EBF2: variants seen among roughly 807,000 people sequenced by gnomAD.
EBF2 encodes the protein EBF transcription factor 2.
A neutral mutation model predicts 72.8 loss-of-function variants in EBF2; 21 were observed. The ratio of observed to expected loss-of-function variants is 0.29; its 90% CI spans 0.20 to 0.42. EBF2 has a LOEUF of 0.42. Ranked by LOEUF, EBF2 falls within the 10% of genes least tolerant of loss-of-function variation. EBF2 has a pLI of 1.00. For missense variants in EBF2, 637 were observed against 731.2 expected (o/e 0.87, Z 1.49); for synonymous variants, 299 against 274.2 (o/e 1.09, Z -0.89).
intron 10 of EBF2, among the ~76,000 whole-genome samples, chr8:25,880,992 A>G (rs1166403646): frequency 6.6e-6 from 1 of 151,854 alleles, no homozygotes; most frequent in Non-Finnish European, 1.5e-5. Flanking sequence ...CATCCAATCA[A>G]TCATCAAGTT....
At chr8:25,964,584 C>T (rs891670062) in intron 6 of EBF2, among the ~76,000 whole-genome samples, 1 of 152,104 alleles carries the variant, frequency 6.6e-6, no homozygotes, top group African/African-American at 2.4e-5. Flanking sequence ...TTAATGGGAG[C>T]GCCACATGTT....
intron 5 of EBF2, among the ~76,000 whole-genome samples, chr8:26,037,031 C>T (rs1329776519): frequency 2.6e-5 from 4 of 152,178 alleles, no homozygotes; most frequent in Non-Finnish European, 5.9e-5. Flanking sequence ...AAAATGAAAG[C>T]TGTTCCACTG....
In EBF2 at chr8:25,952,118, C is replaced by T. The variant is rs557555385; in HGVS notation, c.552-43563G>A. On this transcript the variant is annotated intron_variant, in intron 6 of 15. Transcript: ENST00000520164. ...GGCCAGCCTGGGCAACAGAGTGAGA[C>T]CGTGTATCTACAAAAAAAAATTATT... Among the ~76,000 whole-genome samples, 78 of 152,140 alleles carry T rather than the reference C, an allele frequency of 5.1e-4. 1 individual carries two copies. The South Asian group carries it at 0.014, about 27-fold the overall frequency.
chr8:25,915,371 G>T (rs1391866991), intron 6 of EBF2, among the ~76,000 whole-genome samples: 1 of 151,902 alleles, frequency 6.6e-6, no homozygotes, highest in African/African-American at 2.4e-5. Context: ...TCCTGTCATT[G>T]TCTTCCTCTT....
chr8:26,005,552 A>ATTATAAAATATATTATATAT (rs1563206106), intron 6 of EBF2, among the ~76,000 whole-genome samples: 30 of 41,308 alleles, frequency 7.3e-4, no homozygotes, highest in Non-Finnish European at 1.1e-3. Context: ...TTATATATAT[A>ATTATAAAATATATTATATAT]TATATATATA....
At chr8:25,932,805 T>C (rs965773119) in intron 6 of EBF2, among the ~76,000 whole-genome samples, 1 of 148,338 alleles carries the variant, frequency 6.7e-6, no homozygotes, top group Non-Finnish European at 1.5e-5. Context: ...GAAGCAGACT[T>C]TTTTTTTTTA....
chr8:26,027,807 G>T (rs988255077), intron 6 of EBF2, among the ~76,000 whole-genome samples: 1 of 152,164 alleles, frequency 6.6e-6, no homozygotes, highest in Non-Finnish European at 1.5e-5. Context: ...TCTGACACAT[G>T]CTACAACATG....
chr8:25,956,894 T>C (rs978248015), intron 6 of EBF2, among the ~76,000 whole-genome samples: 5 of 152,228 alleles, frequency 3.3e-5, no homozygotes, highest in South Asian at 2.1e-4. Context: ...AGCATTGATA[T>C]AGAAAACATG....
Position 25,975,415 on chromosome 8 carries a change from T to TC in EBF2, c.551+57669_551+57670insG, listed in dbSNP as rs528308962. Reference sequence around the variant, plus strand: ...TGAAAGCAATATCAGATTCCTTTCTTATCACTTCTTCAGGATAAAATTCAG... The same window carrying TC: ...TGAAAGCAATATCAGATTCCTTTCTTCATCACTTCTTCAGGATAAAATTCAG... On this transcript the variant is annotated intron_variant, in intron 6 of 15. Coordinates refer to ENST00000520164, the MANE Select transcript of EBF2 (RefSeq NM_022659.4). Among the ~76,000 whole-genome samples, 31 of 152,320 alleles carry TC rather than the reference T, an allele frequency of 2.0e-4. No individual in the cohort carries two copies. In the South Asian group the frequency reaches 6.2e-3, roughly 31 times the overall value.
chr8:26,023,947 T>A (rs1805255484), intron 6 of EBF2, among the ~76,000 whole-genome samples: 1 of 152,200 alleles, frequency 6.6e-6, no homozygotes, highest in African/African-American at 2.4e-5. Context: ...AATACCAGCC[T>A]GATCATGAAA....
intron 6 of EBF2, 121 bp downstream of exon 6, chr8:26,032,964 T>C: frequency 1.1e-6 from 1 of 927,896 alleles, no homozygotes. Flanking sequence ...TTGGATGAGC[T>C]TAGTGACTTG....
chr8:25,943,099 A>G (rs1429463316), intron 6 of EBF2, among the ~76,000 whole-genome samples: 1 of 152,132 alleles, frequency 6.6e-6, no homozygotes, highest in Non-Finnish European at 1.5e-5. Context: ...GTGAATAGTT[A>G]AATACTTGTT....
intron 6 of EBF2, among the ~76,000 whole-genome samples, chr8:25,961,715 C>T (rs765638618): frequency 9.9e-5 from 15 of 152,084 alleles, no homozygotes; most frequent in Non-Finnish European, 2.1e-4. Flanking sequence ...GAGATGACTC[C>T]TCATAATGCT....
chr8:26,005,543 T>TATATATATA (rs1491178550), intron 6 of EBF2, among the ~76,000 whole-genome samples: 3 of 39,226 alleles, frequency 7.6e-5, no homozygotes, highest in Non-Finnish European at 1.3e-4. Context: ...ATATATATTT[T>TATATATATA]ATATATATAT....
rs73677233 is a variant in EBF2 at position 25,873,899 on chromosome 8, G to A, written c.1010-11102C>T. 2.5e-3 allele frequency among the ~76,000 whole-genome samples: 384 copies of A among 152,308 alleles called. 3 individuals carry two copies. The highest frequency in any genetic ancestry group is 8.8e-3 in the African/African-American group (365 of 41,568). ...CCATTAAGGGGCTGGGATGTCTCTA[G>A]TGAAACAGCAGCCCCCTATTCTGGG... On this transcript the variant is annotated intron_variant, in intron 10 of 15. Transcript: ENST00000520164.
intron 10 of EBF2, among the ~76,000 whole-genome samples, chr8:25,865,934 A>G (rs1447674886): frequency 6.6e-6 from 1 of 151,750 alleles, no homozygotes; most frequent in Non-Finnish European, 1.5e-5. Flanking sequence ...CTGAGGCAGG[A>G]GAATGGCGTG....
At chr8:26,016,042 G>T (rs1348693060) in intron 6 of EBF2, among the ~76,000 whole-genome samples, 3 of 152,222 alleles carry the variant, frequency 2.0e-5, no homozygotes, top group African/African-American at 7.2e-5. Flanking sequence ...TTCATTCCCA[G>T]GTAGGATGCT....
intron 6 of EBF2, among the ~76,000 whole-genome samples, chr8:25,917,784 C>T (rs1280961252): frequency 6.6e-6 from 1 of 152,106 alleles, no homozygotes; most frequent in Non-Finnish European, 1.5e-5. Context: ...TCTCTGCCCT[C>T]CCGGCAGAGC....
chr8:26,014,204 C>T (rs1236080682), intron 6 of EBF2, among the ~76,000 whole-genome samples: 1 of 152,034 alleles, frequency 6.6e-6, no homozygotes, highest in Admixed American at 6.6e-5. Flanking sequence ...TAAATCTTAA[C>T]TTATCAAAGA....
Sources: allele counts gnomAD v4.1 joint callset (sites outside exome capture counted in the v4.1 genomes callset), GRCh38; gene constraint gnomAD v4.1.1; transcripts MANE v1.5; gene names NCBI Gene and HGNC (gene_info 2026-07-23, HGNC 2026-07-21).